Variants in ATP2B2 observed in about 807,000 individuals in gnomAD.
ATP2B2 encodes the protein plasma membrane calcium-transporting ATPase 2.
Under a neutral mutation model 120.0 loss-of-function variants are expected in ATP2B2, and 15 were observed. That is an observed-to-expected ratio of 0.12 (90% CI 0.08 to 0.19). ATP2B2 has a LOEUF of 0.19. Among genes scored for constraint, ATP2B2 ranks in the 10% least tolerant of loss-of-function variants. ATP2B2 has a pLI of 1.00. For missense variants in ATP2B2, 1,045 were observed against 1,719.8 expected (o/e 0.61, Z 6.94); for synonymous variants, 694 against 700.3 (o/e 0.99, Z 0.14).
chr3:10,477,358 T>C (rs2065243250), intron 1 of ATP2B2, among the ~76,000 whole-genome samples: 1 of 152,258 alleles, frequency 6.6e-6, no homozygotes, highest in Admixed American at 6.5e-5. Context: ...CTCAATTTAA[T>C]TTTTTCATCT....
chr3:10,330,923 T>C (rs1366181775), intron 22 of ATP2B2, among the ~76,000 whole-genome samples: 1 of 152,262 alleles, frequency 6.6e-6, no homozygotes, highest in Non-Finnish European at 1.5e-5. Context: ...ACATAAGCTT[T>C]GTCAATTATC....
chr3:10,429,241 G>A (rs2063236397), intron 2 of ATP2B2, among the ~76,000 whole-genome samples: 1 of 152,182 alleles, frequency 6.6e-6, no homozygotes, highest in Non-Finnish European at 1.5e-5. Flanking sequence ...CCTTAAGACA[G>A]TGGAAAATCT....
At chr3:10,401,225 C>T (rs1280726062) in intron 4 of ATP2B2, 147 bp from the exon 5 acceptor site, 2 of 1,054,766 alleles carry the variant, frequency 1.9e-6, no homozygotes, top group Non-Finnish European at 2.7e-6. Flanking sequence ...AAGATGGTGC[C>T]CATAGAAGGC....
At chr3:10,551,677 A>G (rs1331855192) in intron 2 of ATP2B2, among the ~76,000 whole-genome samples, 2 of 152,242 alleles carry the variant, frequency 1.3e-5, no homozygotes, top group African/African-American at 4.8e-5. Flanking sequence ...GCTCACAATT[A>G]TGTTTCATTC....
At chr3:10,438,325 C>T (rs1426940101) in intron 2 of ATP2B2, among the ~76,000 whole-genome samples, 1 of 152,236 alleles carries the variant, frequency 6.6e-6, no homozygotes, top group Non-Finnish European at 1.5e-5. Flanking sequence ...GCTGTTCTTT[C>T]CAGCAGAGCT....
Position 10,359,000 on chromosome 3 carries a change from C to T in ATP2B2, c.1902-75G>A, listed in dbSNP as rs1333857201. ...AAAGGCTTAGAGACCACCTCCCCAC[C>T]CTCGTGATGCCCAGCTAGCTGTGGC... is the stretch of plus-strand genomic sequence containing the variant. On this transcript the variant is annotated intron_variant, in intron 13 of 22. Coordinates refer to ENST00000360273, the MANE Select transcript of ATP2B2 (RefSeq NM_001001331.4). 7.3e-6 allele frequency: 10 copies of T among 1,362,650 alleles called. No individual in the cohort carries two copies. The Admixed American group carries it at 1.1e-4, about 15-fold the overall frequency. The allele number at this position is 1,362,650 out of a possible 1,614,324, so 84.4% of individuals were successfully genotyped here.
intron 1 of ATP2B2, among the ~76,000 whole-genome samples, chr3:10,643,786 C>T (rs1372656931): frequency 2.0e-5 from 3 of 152,168 alleles, no homozygotes; most frequent in Non-Finnish European, 4.4e-5. Context: ...AATGCAGTAT[C>T]TGATCCTAGA....
chr3:10,490,977 C>T (rs1433715201), intron 1 of ATP2B2, among the ~76,000 whole-genome samples: 1 of 152,178 alleles, frequency 6.6e-6, no homozygotes, highest in African/African-American at 2.4e-5. Flanking sequence ...AACCTTTGAG[C>T]CTGTTTTCTG....
intron 22 of ATP2B2, among the ~76,000 whole-genome samples, chr3:10,334,804 G>C (rs2060073447): frequency 4.3e-5 from 1 of 23,420 alleles, no homozygotes; most frequent in South Asian, 2.6e-3. Flanking sequence ...CGGGTTACCT[G>C]CTTGGCTGCA....
At chr3:10,434,446 G>T (rs186545489) in intron 2 of ATP2B2, among the ~76,000 whole-genome samples, 24 of 152,300 alleles carry the variant, frequency 1.6e-4, no homozygotes, top group Middle Eastern at 3.4e-3. Flanking sequence ...TTCAGCAGGT[G>T]GTGGCACAAC....
chr3:10,431,463 C>T lies in ATP2B2; in HGVS notation c.199+17882G>A, dbSNP rs139322173. 1.5e-3 allele frequency among the ~76,000 whole-genome samples: 234 copies of T among 152,278 alleles called. 1 individual carries two copies. Among genetic ancestry groups the T allele is most frequent in the African/African-American group, 5.0e-3 (208 of 41,560 alleles). ...AGACCCTTAACTGGCAAAAAAATGA[C>T]GACTTGCTGTGGGCTCAGACAATTG... On this transcript the variant is annotated intron_variant, in intron 2 of 22. Transcript: ENST00000360273.
At chr3:10,371,028 G>A (rs1020493322) in intron 12 of ATP2B2, among the ~76,000 whole-genome samples, 2 of 152,194 alleles carry the variant, frequency 1.3e-5, no homozygotes, top group Non-Finnish European at 2.9e-5. Flanking sequence ...AACATCATCA[G>A]TGGTAGACTG....
At chr3:10,507,363 C>T (rs528668866), upstream of ATP2B2, among the ~76,000 whole-genome samples, 422 of 152,246 alleles carry the variant, frequency 2.8e-3, no homozygotes, top group Non-Finnish European at 4.6e-3. Flanking sequence ...ATTCCACTGG[C>T]CACCCCTCTA....
At chr3:10,573,715 G>A (rs572557492) in intron 2 of ATP2B2, among the ~76,000 whole-genome samples, 73 of 152,292 alleles carry the variant, frequency 4.8e-4, no homozygotes, top group African/African-American at 1.7e-3. Context: ...TGAGAGCAAC[G>A]CCATCTTACT....
intron 1 of ATP2B2, among the ~76,000 whole-genome samples, chr3:10,703,055 G>A (rs922960616): frequency 2.6e-5 from 4 of 152,138 alleles, no homozygotes; most frequent in African/African-American, 9.7e-5. Context: ...TATATATGAG[G>A]GAAGAAAGGC....
chr3:10,574,698 G>C (rs969484591), intron 2 of ATP2B2, among the ~76,000 whole-genome samples: 11 of 152,108 alleles, frequency 7.2e-5, no homozygotes, highest in Non-Finnish European at 1.5e-4. Context: ...TATCTACTTG[G>C]AATGATCTTT....
intron 2 of ATP2B2, among the ~76,000 whole-genome samples, chr3:10,428,937 G>C (rs1172580481): frequency 6.6e-6 from 1 of 152,198 alleles, no homozygotes; most frequent in Non-Finnish European, 1.5e-5. Flanking sequence ...GCACCTGCTT[G>C]GCAGGGCTTT....
Position 10,512,455 on chromosome 3 carries a change from AGT to A in ATP2B2, c.-320+21582_-320+21583del, listed in dbSNP as rs1354062474. 1.6e-4 allele frequency among the ~76,000 whole-genome samples: 20 copies of A among 123,900 alleles called. No homozygotes were observed. The East Asian group carries it at 2.0e-3, about 12-fold the overall frequency. 81.3% of individuals were successfully genotyped at this position (123,900 alleles called of 152,430 possible). A position where few individuals can be genotyped will look rare whatever the true frequency, so the allele number is the denominator to read the frequency against. The stretch of plus-strand genomic sequence containing the variant: ...TGCTGAGCATATTCCTGGGTGCTAA[AGT>A]GTGTGCGCACACACACACACACACA... On this transcript the variant is annotated intron_variant, in intron 3 of 21. Transcript: ENST00000646379.
intron 22 of ATP2B2, chr3:10,332,407 G>C (rs2060005617): frequency 4.1e-6 from 1 of 240,980 alleles, no homozygotes. Context: ...GACTTGCTAA[G>C]CACAAAGATG....
Sources: allele counts gnomAD v4.1 joint callset (sites outside exome capture counted in the v4.1 genomes callset), GRCh38; gene constraint gnomAD v4.1.1; transcripts MANE v1.5; gene names NCBI Gene and HGNC (gene_info 2026-07-23, HGNC 2026-07-21).